Variants in CEP63 observed in about 807,000 individuals in gnomAD.
The protein encoded by CEP63 is centrosomal protein of 63 kDa.
A neutral mutation model predicts 89.1 loss-of-function variants in CEP63; 84 were observed. The observed-to-expected ratio is 0.94, with a 90% CI of 0.79 to 1.13. The LOEUF is 1.13. Ranked by LOEUF, CEP63 falls within the 50% of genes most tolerant of loss-of-function variation. The pLI is 0.00. For synonymous variants in CEP63, 267 were observed against 272.5 expected (o/e 0.98, Z 0.20); for missense variants, 838 against 813.3 (o/e 1.03, Z -0.37).
At chr3:134,657,594 T>C in the CEP63 span, among the ~76,000 whole-genome samples, 1 of 152,226 alleles carries the variant, frequency 6.6e-6, no homozygotes, top group African/African-American at 2.4e-5. Flanking sequence ...GGACTTTTAG[T>C]TTGTTTTGCA....
At chr3:134,585,042 CT>C (rs1397516567) in intron 10 of CEP63, among the ~76,000 whole-genome samples, 2 of 147,326 alleles carry the variant, frequency 1.4e-5, no homozygotes, top group Non-Finnish European at 3.0e-5. Context: ...GTGATATCCC[CT>C]TTATCATTTT....
At chr3:134,607,478 T>C in the CEP63 span, 1 of 985,668 alleles carries the variant, frequency 1.0e-6, no homozygotes, top group East Asian at 1.1e-4. Context: ...CCTGGGCGGA[T>C]GGAGGCCCCA....
intron 3 of CEP63, among the ~76,000 whole-genome samples, chr3:134,518,907 C>T (rs1317212283): frequency 6.6e-6 from 1 of 151,150 alleles, no homozygotes; most frequent in African/African-American, 2.4e-5. Flanking sequence ...CTTGGCAAGA[C>T]TAATTAAGAA....
the CEP63 span, among the ~76,000 whole-genome samples, chr3:134,658,681 C>T: frequency 6.6e-6 from 1 of 152,194 alleles, no homozygotes; most frequent in Non-Finnish European, 1.5e-5. Context: ...GTCTGTCTCA[C>T]AGACCTACAG....
chr3:134,719,432 C>T, the CEP63 span, among the ~76,000 whole-genome samples: 4 of 152,276 alleles, frequency 2.6e-5, no homozygotes, highest in South Asian at 2.1e-4. Flanking sequence ...ATTATTTTCT[C>T]ACCCATGTAG....
chr3:134,605,579 T>G, the CEP63 span, among the ~76,000 whole-genome samples: 1 of 152,102 alleles, frequency 6.6e-6, no homozygotes, highest in African/African-American at 2.4e-5. Context: ...AGACAGCCCC[T>G]CTACCTTCTT....
At chr3:134,576,146 G>A (rs1486479674), downstream of CEP63, among the ~76,000 whole-genome samples, 2 of 152,182 alleles carry the variant, frequency 1.3e-5, no homozygotes, top group Non-Finnish European at 2.9e-5. Context: ...TTGGATGAAA[G>A]AGCCTTGGTG....
At chr3:134,568,698 A>G (rs1297001425), downstream of CEP63, among the ~76,000 whole-genome samples, 1 of 152,266 alleles carries the variant, frequency 6.6e-6, no homozygotes, top group East Asian at 1.9e-4. Flanking sequence ...ATTTTGCTCC[A>G]AAAAGGTTTA....
downstream of CEP63, among the ~76,000 whole-genome samples, chr3:134,577,431 C>CTTTTTTTTTTTTTTTT (rs10662705): frequency 9.3e-5 from 8 of 86,328 alleles, 1 homozygote; most frequent in Admixed American, 1.9e-4. Flanking sequence ...TTCTAATCCA[C>CTTTTTTTTTTTTTTTT]TTTTTTTTTT....
chr3:134,663,038 T>C, the CEP63 span, among the ~76,000 whole-genome samples: 1 of 152,164 alleles, frequency 6.6e-6, no homozygotes, highest in African/African-American at 2.4e-5. Context: ...GGATCTCCTC[T>C]TGGGGATGGG....
chr3:134,510,898 C>T lies in CEP63; in HGVS notation c.222+3612C>T, dbSNP rs140593751. 2.2e-3 allele frequency: 453 copies of T among 202,636 alleles called. 3 individuals are homozygous for T. Among genetic ancestry groups the T allele is most frequent in the African/African-American group, 9.8e-3 (416 of 42,302 alleles). 12.6% of individuals were successfully genotyped at this position (202,636 alleles called of 1,614,324 possible). A position where few individuals can be genotyped will look rare whatever the true frequency, so the allele number is the denominator to read the frequency against. On this transcript the variant is annotated intron_variant, in intron 3 of 14. Coordinates refer to ENST00000675561, the MANE Select transcript of CEP63 (RefSeq NM_001353108.3). ...CTCTTCCAAGGCAGGCAGCACCCCC[C>T]CAAGAGGGAAGAGCCATCTCAGGAG...
At chr3:134,655,192 TG>T in the CEP63 span, among the ~76,000 whole-genome samples, 5 of 152,066 alleles carry the variant, frequency 3.3e-5, no homozygotes, top group African/African-American at 1.2e-4. Context: ...TGCTGGGTCC[TG>T]CTCTGGGGAA....
chr3:134,677,172 TTGCTTGAACCCG>T, the CEP63 span, among the ~76,000 whole-genome samples: 1 of 125,228 alleles, frequency 8.0e-6, no homozygotes, highest in Non-Finnish European at 1.8e-5. Flanking sequence ...GGCAGGAGAA[TTGCTTGAACCCG>T]GCAGGCGGAG....
the CEP63 span, among the ~76,000 whole-genome samples, chr3:134,642,565 C>T: frequency 2.0e-5 from 3 of 152,290 alleles, no homozygotes; most frequent in East Asian, 3.9e-4. Context: ...CTGCCTTCCC[C>T]GAGTCCCCAG....
chr3:134,614,616 C>A, the CEP63 span, among the ~76,000 whole-genome samples: 1 of 152,040 alleles, frequency 6.6e-6, no homozygotes, highest in Non-Finnish European at 1.5e-5. Flanking sequence ...ACCTGGGTTA[C>A]CCTTGATGAA....
chr3:134,584,956 G>GTTTTTTTTTTTGT (rs1553799204), intron 10 of CEP63, among the ~76,000 whole-genome samples: 1 of 36,038 alleles, frequency 2.8e-5, no homozygotes, highest in African/African-American at 8.5e-5. Flanking sequence ...ATTTTCTAGG[G>GTTTTTTTTTTTGT]TTTTTTTTTT....
chr3:134,544,928 A>G (rs1350483971), intron 6 of CEP63, among the ~76,000 whole-genome samples: 1 of 152,054 alleles, frequency 6.6e-6, no homozygotes, highest in African/African-American at 2.4e-5. Flanking sequence ...GCTCACTGCA[A>G]CTTCCGCTTC....
intron 11 of CEP63, among the ~76,000 whole-genome samples, chr3:134,570,165 C>T (rs531061933): frequency 5.3e-5 from 8 of 152,318 alleles, no homozygotes; most frequent in Admixed American, 3.9e-4. Flanking sequence ...CTGAAATGCC[C>T]TGGAGATATT....
chr3:134,658,614 C>T, the CEP63 span, among the ~76,000 whole-genome samples: 15 of 152,312 alleles, frequency 9.8e-5, no homozygotes, highest in African/African-American at 3.4e-4. Flanking sequence ...AGACTTCTTC[C>T]TTTAGCCTGG....
Sources: gnomAD v4.1 joint callset for allele counts (sites outside exome capture counted in the v4.1 genomes callset) on GRCh38, gnomAD v4.1.1 for gene constraint, MANE v1.5 for transcripts, NCBI Gene and HGNC (gene_info 2026-07-23, HGNC 2026-07-21) for gene names.